TSHZ1: variants seen among roughly 807,000 people sequenced by gnomAD.
TSHZ1 encodes teashirt zinc finger homeobox 1.
In TSHZ1, 12 loss-of-function variants were observed where a neutral mutation model predicts 67.1. That is an observed-to-expected ratio of 0.18 (90% CI 0.11 to 0.29). TSHZ1 has a LOEUF of 0.29. Among genes scored for constraint, TSHZ1 ranks in the 10% least tolerant of loss-of-function variants. The pLI is 1.00. For missense variants in TSHZ1, 1,305 were observed against 1,413.9 expected, an observed-to-expected ratio of 0.92 and a Z score of 1.23; for synonymous variants, 632 against 622.4, an observed-to-expected ratio of 1.02 and a Z score of -0.23.
At chr18:75,228,792 G>T (rs2022958453) in intron 1 of TSHZ1, among the ~76,000 whole-genome samples, 1 of 152,176 alleles carries the variant, frequency 6.6e-6, no homozygotes, top group Non-Finnish European at 1.5e-5. Context: ...CCTTGAAAAT[G>T]GTGGAGATGG....
chr18:75,282,549 A>G (rs1323542105), intron 1 of TSHZ1, among the ~76,000 whole-genome samples: 1 of 152,166 alleles, frequency 6.6e-6, no homozygotes, highest in Non-Finnish European at 1.5e-5. Context: ...TTAACATTAA[A>G]TGCGGTCACA....
chr18:75,219,762 GA>G, intron 1 of TSHZ1, among the ~76,000 whole-genome samples: 1 of 152,306 alleles, frequency 6.6e-6, no homozygotes, highest in East Asian at 1.9e-4. Flanking sequence ...TTTCTAATAA[GA>G]AAATAAATGA....
chr18:75,259,517 C>T lies in TSHZ1; in HGVS notation c.41-25931C>T, dbSNP rs184249431. On this transcript the variant is annotated intron_variant, in intron 1 of 1. Transcript: ENST00000580243. Reference sequence around the variant, plus strand: ...TCCAGACTGTAGATGCCACTTGCCCCGGTTAGTCACTTAGTAACTGTCTTG... The same window carrying T: ...TCCAGACTGTAGATGCCACTTGCCCTGGTTAGTCACTTAGTAACTGTCTTG... Among the ~76,000 whole-genome samples, 11 of 152,198 alleles carry T rather than the reference C, an allele frequency of 7.2e-5. No homozygotes were observed. In the East Asian group the frequency reaches 1.4e-3, roughly 19 times the overall value.
At chr18:75,239,550 G>C (rs372275621) in intron 1 of TSHZ1, among the ~76,000 whole-genome samples, 24 of 152,172 alleles carry the variant, frequency 1.6e-4, no homozygotes, top group African/African-American at 5.8e-4. Context: ...GTCCAGGCTG[G>C]AATGCAGCGG....
At chr18:75,277,958 G>A (rs1337693951) in intron 1 of TSHZ1, among the ~76,000 whole-genome samples, 2 of 151,884 alleles carry the variant, frequency 1.3e-5, no homozygotes, top group Non-Finnish European at 2.9e-5. Flanking sequence ...CACACTGTGT[G>A]TATGTATCTG....
In TSHZ1 at chr18:75,258,847, A is replaced by G. The variant is rs529125820; in HGVS notation, c.41-26601A>G. ...TGCCATCCACTGATGGATGACGATG[A>G]TGGCAGTGGTGATGTTATTGCCAGC... On this transcript the variant is annotated intron_variant, in intron 1 of 1. Transcript: ENST00000580243. 7.2e-5 allele frequency among the ~76,000 whole-genome samples: 11 copies of G among 152,296 alleles called. 1 individual carries two copies. The South Asian group carries it at 1.7e-3, about 23-fold the overall frequency.
intron 1 of TSHZ1, among the ~76,000 whole-genome samples, chr18:75,228,474 A>G (rs1007661435): frequency 3.9e-5 from 6 of 152,228 alleles, no homozygotes; most frequent in Non-Finnish European, 7.3e-5. Context: ...GAAGCCAGCT[A>G]ACCTCTCCTA....
Position 75,288,849 on chromosome 18 carries a change from C to T in TSHZ1, c.*208C>T. On this transcript the variant is annotated 3_prime_UTR_variant, in exon 2 of 2. Transcript: ENST00000580243. This position sits in a 1 kb window ranked among gnomAD's most constrained non-coding sequence, Gnocchi z 4.9. The stretch of plus-strand genomic sequence containing the variant: ...CTTTTTCCGTGAGTCAAAGTCTGAC[C>T]TTTATTTTCAACATCTGTTCTTGGT... 1.3e-6 allele frequency: 1 copy of T among 747,998 alleles called. No individual in the cohort carries two copies. The highest frequency in any genetic ancestry group is 4.0e-5 in the South Asian group (1 of 25,114). The allele number at this position is 747,998 out of a possible 1,614,324, so 46.3% of individuals were successfully genotyped here. A position where few individuals can be genotyped will look rare whatever the true frequency, so the allele number is the denominator to read the frequency against.
At chr18:75,240,362 G>T (rs1336782019) in intron 1 of TSHZ1, among the ~76,000 whole-genome samples, 2 of 149,778 alleles carry the variant, frequency 1.3e-5, no homozygotes, top group African/African-American at 5.0e-5. Flanking sequence ...AAAAGGCATT[G>T]CTCCTTTTTT....
rs1005492955 is a variant in TSHZ1, at chr18:75,276,899, C to T, written c.41-8549C>T. ...GTCTTTCACAGCCAGCTCTCACTTA[C>T]GTGTGCTAATGAGGAAAAGAGAGCT... is the stretch of plus-strand genomic sequence containing the variant. On this transcript the variant is annotated intron_variant, in intron 1 of 1. Coordinates refer to ENST00000580243, the MANE Select transcript of TSHZ1 (RefSeq NM_001308210.2). Among the ~76,000 whole-genome samples, 8 of 152,226 alleles carry T rather than the reference C, an allele frequency of 5.3e-5. No individual in the cohort carries two copies. The South Asian group carries it at 6.2e-4, about 12-fold the overall frequency.
In TSHZ1 at chr18:75,252,051, A is replaced by G. The variant is rs148158405; in HGVS notation, c.41-33397A>G. On this transcript the variant is annotated intron_variant, in intron 1 of 1. Coordinates refer to ENST00000580243, the MANE Select transcript of TSHZ1 (RefSeq NM_001308210.2). ...TATATATTCTTCTGGATCACTTCCT[A>G]TGCAGATCTATTAATGTCTGTCTGT... 4.9e-4 allele frequency among the ~76,000 whole-genome samples: 75 copies of G among 152,326 alleles called. 1 individual carries two copies. In the East Asian group the frequency reaches 8.7e-3, roughly 18 times the overall value.
intron 1 of TSHZ1, among the ~76,000 whole-genome samples, chr18:75,268,667 C>G (rs2023521404): frequency 6.6e-6 from 1 of 152,178 alleles, no homozygotes; most frequent in Non-Finnish European, 1.5e-5. Context: ...CCCTCCTCCC[C>G]CTCCCCAAAA....
In TSHZ1 at chr18:75,285,707, G is replaced by T. The variant is rs373368391; in HGVS notation, c.300G>T (p.Pro100=). The change falls in exon 2 of 2, where the codon CCG becomes CCT. Residue 100 remains proline, a synonymous_variant. Coordinates refer to ENST00000580243, the MANE Select transcript of TSHZ1 (RefSeq NM_001308210.2). ...CCTCTCGAGAAGAGAAGGAGGATCC[G>T]CAGTGTCCCGACAGCGTCTCGTACC... The part of the protein sequence containing the change: ...GSSSREEKED[P]QCPDSVSYPQ... 3 of 1,614,054 alleles carry T rather than the reference G, an allele frequency of 1.9e-6. No homozygotes were observed. Among genetic ancestry groups the T allele is most frequent in the Non-Finnish European group, 2.5e-6 (3 of 1,179,974 alleles).
intron 1 of TSHZ1, among the ~76,000 whole-genome samples, chr18:75,229,714 C>G (rs527280850): frequency 6.6e-6 from 1 of 152,334 alleles, no homozygotes; most frequent in East Asian, 1.9e-4. Context: ...AAGAAGAAAG[C>G]AGGAAGCTGT....
chr18:75,244,001 A>G (rs1170968040), intron 1 of TSHZ1, among the ~76,000 whole-genome samples: 9 of 152,210 alleles, frequency 5.9e-5, no homozygotes, highest in African/African-American at 1.4e-4. Context: ...CATTTCTAAT[A>G]CATAAAGCAA....
intron 1 of TSHZ1, among the ~76,000 whole-genome samples, chr18:75,252,113 C>A (rs76524593): frequency 0.062 from 9,498 of 152,212 alleles, 429 homozygotes; most frequent in South Asian, 0.1. Flanking sequence ...ATCTATTTAT[C>A]TATCTTTGTC....
chr18:75,274,022 T>C (rs1421782020), intron 1 of TSHZ1, among the ~76,000 whole-genome samples: 1 of 152,150 alleles, frequency 6.6e-6, no homozygotes, highest in East Asian at 1.9e-4. Context: ...CGGCGCCTCC[T>C]CCTGGGCTGC....
chr18:75,236,321 T>C (rs9960095), intron 1 of TSHZ1, among the ~76,000 whole-genome samples: 3,655 of 152,206 alleles, frequency 0.024, 129 homozygotes, highest in African/African-American at 0.08. Context: ...TCCCCTTTCT[T>C]TAAATCACAC....
chr18:75,211,761 G>C lies in TSHZ1; in HGVS notation c.-116G>C. On this transcript the variant is annotated 5_prime_UTR_variant, in exon 1 of 2. Coordinates refer to ENST00000580243, the MANE Select transcript of TSHZ1 (RefSeq NM_001308210.2). Reference sequence around the variant, plus strand: ...GCGCGCCCGGAGCCCGGAGCCCGCGGGGACGAGGCCAAAGTTGGGCGCGCC... The same window carrying C: ...GCGCGCCCGGAGCCCGGAGCCCGCGCGGACGAGGCCAAAGTTGGGCGCGCC... The C allele has an allele frequency of 1.7e-6, 1 of 583,816 alleles. No individual in the cohort carries two copies. Among genetic ancestry groups the C allele is most frequent in the Non-Finnish European group, 2.2e-6 (1 of 463,642 alleles). The allele number at this position is 583,816 out of a possible 1,614,324, so 36.2% of individuals were successfully genotyped here.
Sources: gnomAD v4.1 joint callset for allele counts (sites outside exome capture counted in the v4.1 genomes callset) on GRCh38, gnomAD v4.1.1 for gene constraint, Gnocchi (gnomAD v3.1) non-coding constraint, MANE v1.5 for transcripts, NCBI Gene and HGNC (gene_info 2026-07-23, HGNC 2026-07-21) for gene names.